MAML3: variants seen among roughly 807,000 people sequenced by gnomAD.
MAML3 encodes the protein mastermind-like protein 3.
In MAML3, 27 loss-of-function variants were observed where a neutral mutation model predicts 101.9. That is an observed-to-expected ratio of 0.27 (90% CI 0.20 to 0.37). The LOEUF (loss-of-function observed/expected upper bound fraction) is 0.37. MAML3 is among the 10% of genes least tolerant of loss of function. The pLI, the probability that MAML3 is intolerant of heterozygous loss-of-function variation, is 1.00. For synonymous variants in MAML3, 501 were observed against 555.9 expected (o/e 0.90, Z 1.39); for missense variants, 1,316 against 1,444.9 (o/e 0.91, Z 1.45).
chr4:140,045,733 A>G (rs1052338416), intron 1 of MAML3, among the ~76,000 whole-genome samples: 7 of 152,134 alleles, frequency 4.6e-5, no homozygotes, highest in African/African-American at 1.7e-4. Flanking sequence ...GTATGGCAAC[A>G]CTCAAAGTAA....
intron 1 of MAML3, among the ~76,000 whole-genome samples, chr4:140,121,207 T>C (rs1728601577): frequency 1.3e-5 from 2 of 152,260 alleles, no homozygotes; most frequent in Admixed American, 1.3e-4. Context: ...CAGAGACATT[T>C]AGCTATTCCT....
At chr4:139,806,746 C>A (rs1730707073) in intron 2 of MAML3, among the ~76,000 whole-genome samples, 1 of 152,130 alleles carries the variant, frequency 6.6e-6, no homozygotes, top group Admixed American at 6.5e-5. Context: ...ATTATGCAGG[C>A]ATTAAAAATC....
At chr4:139,975,221 A>G (rs1734306473) in intron 1 of MAML3, among the ~76,000 whole-genome samples, 1 of 152,044 alleles carries the variant, frequency 6.6e-6, no homozygotes, top group African/African-American at 2.4e-5. Flanking sequence ...CCTCTCCCAC[A>G]CCAGCCTCCT....
chr4:139,924,334 CTTCTT>C lies in MAML3; in HGVS notation c.469-33372_469-33368del, dbSNP rs547165053. Among the ~76,000 whole-genome samples, 399 of 152,274 alleles carry C rather than the reference CTTCTT, an allele frequency of 2.6e-3. 1 individual carries two copies. The highest frequency in any genetic ancestry group is 4.9e-3 in the Non-Finnish European group (333 of 68,008). On this transcript the variant is annotated intron_variant, in intron 1 of 4. Coordinates refer to ENST00000509479, the MANE Select transcript of MAML3 (RefSeq NM_018717.5). Reference sequence around the variant, plus strand: ...GGCAATCACAAATGGACAGGGTATTCTTCTTTTAATTGCTTTTTTGTGTGTACATT... The same window carrying C: ...GGCAATCACAAATGGACAGGGTATTCTTAATTGCTTTTTTGTGTGTACATT...
chr4:140,083,502 T>C (rs72935764), intron 1 of MAML3, among the ~76,000 whole-genome samples: 2,810 of 152,274 alleles, frequency 0.018, 86 homozygotes, highest in African/African-American at 0.066. Context: ...GGAATACAGA[T>C]GGATATGTTC....
chr4:140,132,065 G>C (rs1184784388), intron 1 of MAML3, among the ~76,000 whole-genome samples: 1 of 152,254 alleles, frequency 6.6e-6, no homozygotes, highest in Non-Finnish European at 1.5e-5. Context: ...AGAGGTGCCA[G>C]GGTGGAGCCT....
intron 1 of MAML3, among the ~76,000 whole-genome samples, chr4:140,047,502 A>G (rs960920366): frequency 6.6e-6 from 1 of 152,216 alleles, no homozygotes; most frequent in Non-Finnish European, 1.5e-5. Flanking sequence ...GAAGGCGCGG[A>G]GCCAGGACGT....
intron 1 of MAML3, among the ~76,000 whole-genome samples, chr4:140,119,403 A>G (rs1728567025): frequency 6.6e-6 from 1 of 152,188 alleles, no homozygotes; most frequent in Non-Finnish European, 1.5e-5. Flanking sequence ...GTACCTTCCT[A>G]GATATACTTT....
At chr4:139,802,291 C>T (rs1730623485) in intron 2 of MAML3, among the ~76,000 whole-genome samples, 1 of 152,126 alleles carries the variant, frequency 6.6e-6, no homozygotes, top group African/African-American at 2.4e-5. Context: ...TTCCAACGTG[C>T]ACCTCTCCCC....
At chr4:139,862,448 C>T (rs748102425) in intron 2 of MAML3, among the ~76,000 whole-genome samples, 11 of 152,318 alleles carry the variant, frequency 7.2e-5, no homozygotes, top group Non-Finnish European at 1.3e-4. Context: ...CCATCCAGCT[C>T]ACTGTCTCGG....
At chr4:139,906,140 C>T (rs907252150) in intron 1 of MAML3, among the ~76,000 whole-genome samples, 6 of 152,014 alleles carry the variant, frequency 3.9e-5, no homozygotes, top group Admixed American at 1.3e-4. Context: ...AGATGGGGGG[C>T]GGGTCTCACT....
intron 1 of MAML3, among the ~76,000 whole-genome samples, chr4:140,125,997 C>T (rs139699595): frequency 0.056 from 8,545 of 151,946 alleles, 817 homozygotes; most frequent in African/African-American, 0.19. Context: ...AGGCTGGTCT[C>T]GAACTCCTGA....
chr4:139,930,137 T>C (rs906691947), intron 1 of MAML3, among the ~76,000 whole-genome samples: 1 of 152,200 alleles, frequency 6.6e-6, no homozygotes, highest in Non-Finnish European at 1.5e-5. Context: ...TTATAGATAA[T>C]TTTCATTTCA....
chr4:139,937,185 A>T (rs1733523906), intron 1 of MAML3, among the ~76,000 whole-genome samples: 1 of 152,192 alleles, frequency 6.6e-6, no homozygotes, highest in East Asian at 1.9e-4. Flanking sequence ...TAATGAATTA[A>T]ATCTGTATAA....
chr4:140,089,406 T>C (rs1463772757), intron 1 of MAML3, among the ~76,000 whole-genome samples: 1 of 152,192 alleles, frequency 6.6e-6, no homozygotes, highest in African/African-American at 2.4e-5. Flanking sequence ...AAACTCATAG[T>C]TGGAATTCCA....
At chr4:139,899,233 A>G (rs151222300) in intron 1 of MAML3, among the ~76,000 whole-genome samples, 2 of 152,288 alleles carry the variant, frequency 1.3e-5, no homozygotes, top group East Asian at 3.9e-4. Context: ...TACAAATCCA[A>G]TGTCACTACA....
At chr4:139,816,217 C>T (rs1000945357) in intron 2 of MAML3, among the ~76,000 whole-genome samples, 1 of 152,162 alleles carries the variant, frequency 6.6e-6, no homozygotes, top group African/African-American at 2.4e-5. Context: ...CTCTGAGGGG[C>T]TGAGCGGAGG....
At chr4:139,911,535 G>A (rs1335190854) in intron 1 of MAML3, among the ~76,000 whole-genome samples, 1 of 152,132 alleles carries the variant, frequency 6.6e-6, no homozygotes, top group Non-Finnish European at 1.5e-5. Context: ...TCCTTTTTAA[G>A]GCGGAAAAAT....
intron 1 of MAML3, among the ~76,000 whole-genome samples, chr4:139,975,048 G>T (rs1002740263): frequency 1.4e-4 from 21 of 152,094 alleles, no homozygotes; most frequent in African/African-American, 4.6e-4. Context: ...ACGACTTGGT[G>T]ACATGATCCT....
Sources: allele counts gnomAD v4.1 joint callset (sites outside exome capture counted in the v4.1 genomes callset), GRCh38; gene constraint gnomAD v4.1.1; transcripts MANE v1.5; gene names NCBI Gene and HGNC (gene_info 2026-07-23, HGNC 2026-07-21).